Variants in BEGAIN observed in about 807,000 individuals in gnomAD.
BEGAIN encodes the protein brain enriched guanylate kinase associated.
BEGAIN carries 19 observed loss-of-function variants against 35.8 expected under a neutral mutation model. The observed-to-expected ratio is 0.53, with a 90% CI of 0.37 to 0.78. The LOEUF is 0.78. Ranked by LOEUF, BEGAIN falls within the 30% of genes least tolerant of loss-of-function variation. BEGAIN has a pLI of 0.00. For synonymous variants in BEGAIN, 462 were observed against 388.6 expected (o/e 1.19, Z -2.22); for missense variants, 795 against 853.6 (o/e 0.93, Z 0.85).
At chr14:100,539,340 C>T (rs756977461) in intron 6 of BEGAIN, 25 bp from the exon 7 acceptor site, 22 of 1,529,240 alleles carry the variant, frequency 1.4e-5, no homozygotes, top group East Asian at 2.3e-5. Flanking sequence ...AGGAGGGGGA[C>T]GGCGGGTACA....
At chr14:100,545,520 C>T (rs1178916564) in intron 3 of BEGAIN, 2 of 813,798 alleles carry the variant, frequency 2.5e-6, no homozygotes, top group Non-Finnish European at 3.0e-6. Context: ...GAACAAGACT[C>T]GGTTCTGCCG....
At chr14:100,571,714 C>G (rs1009552534) in intron 1 of BEGAIN, among the ~76,000 whole-genome samples, 2 of 152,086 alleles carry the variant, frequency 1.3e-5, no homozygotes, top group Non-Finnish European at 2.9e-5. Flanking sequence ...CTGACCTGGC[C>G]CTGCCAAATC....
At chr14:100,545,361 C>CT in intron 3 of BEGAIN, 1 of 1,249,620 alleles carries the variant, frequency 8.0e-7, no homozygotes, top group African/African-American at 1.5e-5. Flanking sequence ...GACTCTGTCC[C>CT]ATCCACACGC....
chr14:100,561,050 G>C (rs753878446), intron 2 of BEGAIN, among the ~76,000 whole-genome samples: 26 of 152,332 alleles, frequency 1.7e-4, no homozygotes, highest in Non-Finnish European at 2.9e-4. Flanking sequence ...GGGTGGGGAG[G>C]GGGAGCCCCA....
At position 100,562,081 on chromosome 14, in the gene BEGAIN, A is replaced by G. The variant is rs79210929; in HGVS notation, c.71+5830T>C. On this transcript the variant is annotated intron_variant, in intron 2 of 6. Coordinates refer to ENST00000554140, the MANE Select transcript of BEGAIN (RefSeq NM_001385089.1). Reference sequence around the variant, plus strand: ...CATAAGACTTCCTCTAGTAGGATCAAGTTTAGAAGTGGGGTAGAGAGCCTT... The same window carrying G: ...CATAAGACTTCCTCTAGTAGGATCAGGTTTAGAAGTGGGGTAGAGAGCCTT... Among the ~76,000 whole-genome samples the G allele has an allele frequency of 8.6e-3, 1,316 of 152,200 alleles. 22 individuals are homozygous for G. The highest frequency in any genetic ancestry group is 0.03 in the African/African-American group (1,246 of 41,496).
At chr14:100,550,353 AC>A (rs1278199727) in intron 2 of BEGAIN, 1 of 398,622 alleles carries the variant, frequency 2.5e-6, no homozygotes, top group African/African-American at 2.1e-5. Flanking sequence ...GGACACAGAC[AC>A]GGGACAGATG....
At chr14:100,582,874 C>T (rs1280466051) in intron 1 of BEGAIN, among the ~76,000 whole-genome samples, 1 of 151,764 alleles carries the variant, frequency 6.6e-6, no homozygotes, top group Non-Finnish European at 1.5e-5. Context: ...CTGATCAGCC[C>T]CCTCCTGACC....
Position 100,587,391 on chromosome 14 carries a change from C to G in BEGAIN, c.-101G>C, listed in dbSNP as rs1426686974. The G allele has an allele frequency of 1.4e-5, 2 of 146,154 alleles. No homozygotes were observed. Among genetic ancestry groups the G allele is most frequent in the South Asian group, 1.8e-4 (1 of 5,412 alleles). 9.1% of individuals were successfully genotyped at this position (146,154 alleles called of 1,614,324 possible). ...GGAGCCGGCGCGGCCGGGGCTCCCC[C>G]ACCCCGCCCGGCTTCCCGCAGGGAG... On this transcript the variant is annotated 5_prime_UTR_variant, in exon 1 of 7. Coordinates refer to ENST00000554140, the MANE Select transcript of BEGAIN (RefSeq NM_001385089.1).
chr14:100,579,329 G>T (rs139464606), intron 1 of BEGAIN, among the ~76,000 whole-genome samples: 131 of 152,362 alleles, frequency 8.6e-4, no homozygotes, highest in African/African-American at 3.1e-3. Context: ...GCACATGGAG[G>T]CCTCGGGTGT....
At chr14:100,577,662 G>A (rs1595151723) in intron 1 of BEGAIN, 3 of 399,130 alleles carry the variant, frequency 7.5e-6, no homozygotes, top group East Asian at 3.6e-5. Context: ...CCAGGCGTGC[G>A]AGGGAGCCAG....
At chr14:100,541,771 C>T (rs1380120635) in intron 5 of BEGAIN, among the ~76,000 whole-genome samples, 1 of 152,218 alleles carries the variant, frequency 6.6e-6, no homozygotes, top group Non-Finnish European at 1.5e-5. Flanking sequence ...GTACCCAAGC[C>T]CCTGGGCTGT....
At chr14:100,543,294 GT>G (rs1228213321) in intron 5 of BEGAIN, among the ~76,000 whole-genome samples, 53 of 142,192 alleles carry the variant, frequency 3.7e-4, no homozygotes, top group South Asian at 2.5e-3. Context: ...GGCCAGAGGT[GT>G]TTTTTTTTTT....
chr14:100,566,628 C>T (rs2034707079), intron 2 of BEGAIN, among the ~76,000 whole-genome samples: 1 of 152,210 alleles, frequency 6.6e-6, no homozygotes, highest in Admixed American at 6.5e-5. Context: ...ATCTGTGTGA[C>T]CACAGCCAGG....
chr14:100,569,803 C>G (rs1037894257), intron 1 of BEGAIN: 2 of 154,570 alleles, frequency 1.3e-5, no homozygotes, highest in Non-Finnish European at 2.9e-5. Context: ...AGAGAGGGGA[C>G]AGCAGAGGAA....
At chr14:100,564,518 G>A (rs1279526117) in intron 2 of BEGAIN, among the ~76,000 whole-genome samples, 1 of 152,136 alleles carries the variant, frequency 6.6e-6, no homozygotes. Context: ...CAGAGGCTCT[G>A]AGCACACGGA....
intron 1 of BEGAIN, among the ~76,000 whole-genome samples, chr14:100,570,268 C>T (rs2035035679): frequency 6.6e-6 from 1 of 152,248 alleles, no homozygotes; most frequent in Admixed American, 6.5e-5. Context: ...TTCCCCCCAC[C>T]CCCAGAAGGG....
intron 2 of BEGAIN, among the ~76,000 whole-genome samples, chr14:100,560,227 C>A (rs772745173): frequency 6.6e-6 from 1 of 152,216 alleles, no homozygotes; most frequent in Non-Finnish European, 1.5e-5. Context: ...CCCAGCCAGC[C>A]CCCAGATGCT....
At chr14:100,551,020 C>T (rs2033141948) in intron 2 of BEGAIN, among the ~76,000 whole-genome samples, 1 of 152,072 alleles carries the variant, frequency 6.6e-6, no homozygotes, top group Admixed American at 6.5e-5. Context: ...CGGGTGCCTG[C>T]CTGTTGCAGG....
rs542705444 is a variant in BEGAIN, at chr14:100,539,024, G to T, written c.784C>A (p.Arg262=). Residue 262 remains arginine (R), a synonymous_variant, in exon 7 of 7, where the codon CGG becomes AGG. Transcript: ENST00000554140. Reference sequence around the variant, plus strand: ...ACGGGCGCGTCCACGCTAGGCCGCCGGTCTCGCCGCCGCTCCTCCGGGCAG... The same window carrying T: ...ACGGGCGCGTCCACGCTAGGCCGCCTGTCTCGCCGCCGCTCCTCCGGGCAG... ...LYCPEERRRD[R]RPSVDAPVTD... is the part of the protein sequence containing the mutation. 2.2e-5 allele frequency: 35 copies of T among 1,611,424 alleles called. No homozygotes were observed. In the South Asian group the frequency reaches 3.8e-4, roughly 18 times the overall value.
Sources: gnomAD v4.1 joint callset for allele counts (sites outside exome capture counted in the v4.1 genomes callset) on GRCh38, gnomAD v4.1.1 for gene constraint, MANE v1.5 for transcripts, NCBI Gene and HGNC (gene_info 2026-07-23, HGNC 2026-07-21) for gene names.